Variants in ASAP1 observed in about 807,000 individuals in gnomAD.
ASAP1 encodes arf-GAP with SH3 domain, ANK repeat and PH domain-containing protein 1.
In ASAP1, 43 loss-of-function variants were observed where a neutral mutation model predicts 145.2. The ratio of observed to expected loss-of-function variants is 0.30; its 90% CI spans 0.23 to 0.38. The LOEUF is 0.38. Among genes scored for constraint, ASAP1 ranks in the 10% least tolerant of loss-of-function variants. The pLI is 1.00. For synonymous variants in ASAP1, 546 were observed against 515.5 expected, an observed-to-expected ratio of 1.06 and a Z score of -0.80; for missense variants, 1,018 against 1,355.3, an observed-to-expected ratio of 0.75 and a Z score of 3.91.
chr8:130,187,161 GTTTT>G (rs1001676910), intron 7 of ASAP1, 71 bp downstream of exon 7: 2 of 1,089,500 alleles, frequency 1.8e-6, no homozygotes, highest in African/African-American at 1.7e-5. Context: ...TTCCAGTTAA[GTTTT>G]TTTTTTTGTT....
intron 2 of ASAP1, among the ~76,000 whole-genome samples, chr8:130,400,531 G>A (rs529895744): frequency 4.3e-4 from 65 of 151,706 alleles, no homozygotes; most frequent in Admixed American, 1.4e-3. Context: ...GCTCACGCCT[G>A]TAATCCAGCA....
rs1264378924 is a variant in ASAP1 at position 130,187,194 on chromosome 8, T to C, written c.530+42A>G. On this transcript the variant is annotated intron_variant, in intron 7 of 29. Coordinates refer to ENST00000518721, the MANE Select transcript of ASAP1 (RefSeq NM_018482.4). ...TTTTGTTGTCCAAAATTCACAACAA[T>C]ATTAAAAAACAAACAAAAACTCTAA... The C allele has an allele frequency of 5.2e-6, 8 of 1,531,566 alleles. No individual in the cohort carries two copies. In the African/African-American group the frequency reaches 9.8e-5, roughly 19 times the overall value. 94.9% of individuals were successfully genotyped at this position (1,531,566 alleles called of 1,614,324 possible). A position where few individuals can be genotyped will look rare whatever the true frequency, so the allele number is the denominator to read the frequency against.
At chr8:130,343,865 A>G (rs1217449838) in intron 3 of ASAP1, among the ~76,000 whole-genome samples, 1 of 152,256 alleles carries the variant, frequency 6.6e-6, no homozygotes, top group African/African-American at 2.4e-5. Context: ...GGAAATGTTC[A>G]TGATGTGTTA....
intron 1 of ASAP1, among the ~76,000 whole-genome samples, chr8:130,409,329 T>C (rs1370084224): frequency 6.6e-6 from 1 of 152,110 alleles, no homozygotes; most frequent in Non-Finnish European, 1.5e-5. Flanking sequence ...ACCATTTGAA[T>C]TGGTCGTGGG....
At chr8:130,062,635 C>G (rs192666480) in intron 27 of ASAP1, among the ~76,000 whole-genome samples, 154 of 152,296 alleles carry the variant, frequency 1.0e-3, no homozygotes, top group South Asian at 2.3e-3. Flanking sequence ...CTCTAAGTGC[C>G]AGGCATGGAA....
At chr8:130,093,066 G>A (rs1203465236) in intron 24 of ASAP1, among the ~76,000 whole-genome samples, 2 of 151,986 alleles carry the variant, frequency 1.3e-5, no homozygotes, top group African/African-American at 4.8e-5. Context: ...TGTTATATTG[G>A]AAGCCTGAAC....
chr8:130,212,623 A>T (rs1261927799), intron 5 of ASAP1, among the ~76,000 whole-genome samples: 1 of 152,206 alleles, frequency 6.6e-6, no homozygotes, highest in Non-Finnish European at 1.5e-5. Context: ...GGATTGTTGT[A>T]ATGTCTTCAA....
chr8:130,236,520 C>G (rs1818224862), intron 4 of ASAP1, among the ~76,000 whole-genome samples: 1 of 152,104 alleles, frequency 6.6e-6, no homozygotes, highest in South Asian at 2.1e-4. Flanking sequence ...ACTTTTTCCA[C>G]AACCATCGCC....
chr8:130,099,722 G>A (rs1329748646), intron 24 of ASAP1, among the ~76,000 whole-genome samples: 8 of 127,762 alleles, frequency 6.3e-5, no homozygotes, highest in East Asian at 2.2e-4. Flanking sequence ...TTGCTGTGTC[G>A]TCCAGGCTGG....
At chr8:130,238,931 C>T (rs1247514694) in intron 3 of ASAP1, among the ~76,000 whole-genome samples, 5 of 152,128 alleles carry the variant, frequency 3.3e-5, no homozygotes, top group Non-Finnish European at 7.4e-5. Flanking sequence ...TACATTCTAA[C>T]TCCATATCTT....
intron 4 of ASAP1, among the ~76,000 whole-genome samples, chr8:130,235,090 G>C (rs1473498131): frequency 1.3e-5 from 2 of 152,044 alleles, no homozygotes; most frequent in South Asian, 4.2e-4. Context: ...AAGACTCCTG[G>C]AAGTTAAATA....
At chr8:130,328,664 G>T (rs1027547061) in intron 3 of ASAP1, among the ~76,000 whole-genome samples, 23 of 150,856 alleles carry the variant, frequency 1.5e-4, no homozygotes, top group African/African-American at 5.4e-4. Context: ...AGGTTGGAGT[G>T]CACTGGAGTA....
intron 3 of ASAP1, among the ~76,000 whole-genome samples, chr8:130,310,317 A>C (rs1036506618): frequency 1.3e-5 from 2 of 152,214 alleles, no homozygotes; most frequent in African/African-American, 4.8e-5. Context: ...CAATGCATTA[A>C]TTAAAATTAA....
intron 5 of ASAP1, 67 bp downstream of exon 5, chr8:130,214,489 G>T: frequency 2.1e-6 from 3 of 1,401,150 alleles, no homozygotes; most frequent in Non-Finnish European, 2.9e-6. Context: ...TTATTGAAAT[G>T]TTCTCTATAT....
At chr8:130,076,327 T>G in intron 27 of ASAP1, 21 bp downstream of exon 27, 1 of 1,592,444 alleles carries the variant, frequency 6.3e-7, no homozygotes, top group South Asian at 1.1e-5. Context: ...TACATGTAAA[T>G]GTAAAAATGA....
intron 4 of ASAP1, among the ~76,000 whole-genome samples, chr8:130,225,509 TGAG>T (rs1169458844): frequency 6.6e-6 from 1 of 152,186 alleles, no homozygotes; most frequent in African/African-American, 2.4e-5. Flanking sequence ...CTATATGGCA[TGAG>T]GAGGAGTTCT....
chr8:130,185,836 A>C (rs2136208013), intron 7 of ASAP1, among the ~76,000 whole-genome samples: 1 of 152,232 alleles, frequency 6.6e-6, no homozygotes, highest in Middle Eastern at 3.4e-3. Context: ...CCATCTTAGA[A>C]TGCTTTATAT....
At chr8:130,270,440 T>TA (rs1323773436) in intron 3 of ASAP1, among the ~76,000 whole-genome samples, 5 of 152,236 alleles carry the variant, frequency 3.3e-5, no homozygotes, top group Non-Finnish European at 7.3e-5. Context: ...ATCAGCTCTG[T>TA]ATGTAAAAGT....
rs148103983 is a variant in ASAP1 at position 130,145,504 on chromosome 8, A to T, written c.1080+7232T>A. ...GGCTACTTTTCTGTATTTTTAGTAG[A>T]GACGGGGTTTCACCATGTTGGCCAG... On this transcript the variant is annotated intron_variant, in intron 13 of 29. Coordinates refer to ENST00000518721, the MANE Select transcript of ASAP1 (RefSeq NM_018482.4). Among the ~76,000 whole-genome samples the T allele has an allele frequency of 1.7e-4, 26 of 152,170 alleles. No homozygotes were observed. The East Asian group carries it at 4.8e-3, about 28-fold the overall frequency.
Sources: allele counts gnomAD v4.1 joint callset (sites outside exome capture counted in the v4.1 genomes callset), GRCh38; gene constraint gnomAD v4.1.1; transcripts MANE v1.5; gene names NCBI Gene and HGNC (gene_info 2026-07-23, HGNC 2026-07-21).